NUDT4: variants seen among roughly 807,000 people sequenced by gnomAD.
NUDT4 encodes nudix hydrolase 4, also known as diphosphoinositol polyphosphate phosphohydrolase 2.
A neutral mutation model predicts 23.1 loss-of-function variants in NUDT4; 5 were observed. The observed-to-expected ratio is 0.22, with a 90% CI of 0.11 to 0.46. NUDT4 has a LOEUF of 0.46. Ranked by LOEUF, NUDT4 falls within the 20% of genes least tolerant of loss-of-function variation. The pLI is 0.99. For synonymous variants in NUDT4, 50 were observed against 79.0 expected (o/e 0.63, Z 1.95); for missense variants, 96 against 211.6 (o/e 0.45, Z 3.39).
rs775745707 is a variant in NUDT4 at position 93,399,385 on chromosome 12, A to C, written c.*6A>C. 4 of 674,534 alleles carry C rather than the reference A, an allele frequency of 5.9e-6. No homozygotes were observed. The highest frequency in any genetic ancestry group is 1.0e-5 in the Non-Finnish European group (4 of 391,962). The allele number at this position is 674,534 out of a possible 1,614,324, so 41.8% of individuals were successfully genotyped here. The stretch of plus-strand genomic sequence containing the variant: ...TGCCATCTAGTGTAAGATAGAGAGA[A>C]CTGGGTAGGCCTCTCCCACCATGTG... On this transcript the variant is annotated 3_prime_UTR_variant, in exon 5 of 5. Coordinates refer to ENST00000415493, the MANE Select transcript of NUDT4 (RefSeq NM_019094.6).
At chr12:93,395,377 G>A in intron 2 of NUDT4, 112 bp from the exon 3 acceptor site, 2 of 754,058 alleles carry the variant, frequency 2.7e-6, no homozygotes, top group Non-Finnish European at 4.7e-6. Flanking sequence ...GTTGGTATGG[G>A]GAGGGGTATT....
chr12:93,400,825 T>G lies in NUDT4; in HGVS notation c.*1446T>G, dbSNP rs1318253220. 6.6e-6 allele frequency: 1 copy of G among 152,374 alleles called. No homozygotes were observed. The highest frequency in any genetic ancestry group is 1.5e-5 in the Non-Finnish European group (1 of 68,106). The allele number at this position is 152,374 out of a possible 1,614,324, so 9.4% of individuals were successfully genotyped here. A position where few individuals can be genotyped will look rare whatever the true frequency, so the allele number is the denominator to read the frequency against. ...GGTTTCTTCATGTTGGTCAGGCTGG[T>G]CTCAAACTCCTAACCTCGTGATCCG... On this transcript the variant is annotated 3_prime_UTR_variant, in exon 5 of 5. Transcript: ENST00000415493.
chr12:93,383,629 C>G (rs1453837155), intron 1 of NUDT4, among the ~76,000 whole-genome samples: 1 of 152,172 alleles, frequency 6.6e-6, no homozygotes, highest in Non-Finnish European at 1.5e-5. Flanking sequence ...GTCAGGGGTT[C>G]AAGACCAGCC....
intron 1 of NUDT4, among the ~76,000 whole-genome samples, chr12:93,390,581 C>G (rs893504501): frequency 6.6e-6 from 1 of 151,852 alleles, no homozygotes; most frequent in African/African-American, 2.4e-5. Context: ...AAAGTCTCAT[C>G]TGGGTATAAT....
intron 1 of NUDT4, among the ~76,000 whole-genome samples, chr12:93,381,545 T>C (rs1201494197): frequency 6.6e-6 from 1 of 151,758 alleles, no homozygotes; most frequent in African/African-American, 2.4e-5. Context: ...AAGGGATCAA[T>C]GGAAAGGGAA....
intron 1 of NUDT4, among the ~76,000 whole-genome samples, chr12:93,389,157 A>C (rs1876308070): frequency 6.6e-6 from 1 of 152,182 alleles, no homozygotes; most frequent in Non-Finnish European, 1.5e-5. Flanking sequence ...TTACTCATTT[A>C]AATTTATCGG....
chr12:93,380,753 C>G (rs1395675215), intron 1 of NUDT4, among the ~76,000 whole-genome samples: 1 of 152,184 alleles, frequency 6.6e-6, no homozygotes, highest in Non-Finnish European at 1.5e-5. Flanking sequence ...TATTGTTTCT[C>G]TATGAATTTG....
chr12:93,384,948 G>A (rs958490969), intron 1 of NUDT4, among the ~76,000 whole-genome samples: 1 of 152,026 alleles, frequency 6.6e-6, no homozygotes. Context: ...GTTGAATTTT[G>A]TATTTAAATT....
intron 1 of NUDT4, among the ~76,000 whole-genome samples, chr12:93,379,780 TTAAG>T (rs1875523454): frequency 6.6e-6 from 1 of 152,152 alleles, no homozygotes; most frequent in African/African-American, 2.4e-5. Context: ...TCAACAAGCA[TTAAG>T]TGTGTTCTGT....
intron 3 of NUDT4, among the ~76,000 whole-genome samples, chr12:93,397,313 G>A (rs1274998469): frequency 3.9e-5 from 6 of 151,986 alleles, no homozygotes; most frequent in Middle Eastern, 3.2e-3. Context: ...ATTTATTGTT[G>A]TTTTTATTCC....
rs547337762 is a variant in NUDT4 at position 93,391,137 on chromosome 12, A to G, written c.100-3472A>G. 5.3e-5 allele frequency among the ~76,000 whole-genome samples: 8 copies of G among 152,216 alleles called. No individual in the cohort carries two copies. In the South Asian group the frequency reaches 1.5e-3, roughly 28 times the overall value. Reference sequence around the variant, plus strand: ...AGGGCAGATAGAAGTGCTGGCATGCATTTAAAAGAAAAAAAAATCAGTCAT... The same window carrying G: ...AGGGCAGATAGAAGTGCTGGCATGCGTTTAAAAGAAAAAAAAATCAGTCAT... On this transcript the variant is annotated intron_variant, in intron 1 of 4. Coordinates refer to ENST00000415493, the MANE Select transcript of NUDT4 (RefSeq NM_019094.6).
intron 3 of NUDT4, among the ~76,000 whole-genome samples, chr12:93,398,541 TCAC>T (rs1437101399): frequency 2.6e-5 from 4 of 152,228 alleles, no homozygotes; most frequent in Non-Finnish European, 5.9e-5. Flanking sequence ...AGAGCCAATT[TCAC>T]CACCAGTAAT....
At chr12:93,385,947 A>T (rs939580979) in intron 1 of NUDT4, among the ~76,000 whole-genome samples, 1,874 of 96,772 alleles carry the variant, frequency 0.019, 37 homozygotes, top group South Asian at 0.072. Context: ...CTTTTTATAT[A>T]TATATATATA....
In NUDT4 at chr12:93,403,120, A is replaced by G. The variant is rs1172437074; in HGVS notation, c.*3741A>G. The stretch of plus-strand genomic sequence containing the variant: ...TAGGCTTAAGCAGTCCTCCAGCCTC[A>G]GCCTTCTCAAAGTGCTAGGATGATT... On this transcript the variant is annotated 3_prime_UTR_variant, in exon 5 of 5. Transcript: ENST00000415493. 1 of 151,402 alleles carries G rather than the reference A, an allele frequency of 6.6e-6. No individual in the cohort carries two copies. The highest frequency in any genetic ancestry group is 1.5e-5 in the Non-Finnish European group (1 of 67,954). The allele number at this position is 151,402 out of a possible 1,614,324, so 9.4% of individuals were successfully genotyped here. A position where few individuals can be genotyped will look rare whatever the true frequency, so the allele number is the denominator to read the frequency against.
chr12:93,389,703 C>T (rs1188321191), intron 1 of NUDT4, among the ~76,000 whole-genome samples: 1 of 151,802 alleles, frequency 6.6e-6, no homozygotes, highest in African/African-American at 2.4e-5. Context: ...GAGTTCAAGA[C>T]CAGCCTGGCC....
rs548432417 is a variant in NUDT4, at chr12:93,394,780, A to C, written c.210+61A>C. On this transcript the variant is annotated intron_variant, in intron 2 of 4. Transcript: ENST00000415493. ...TTTTAAAAACAAGGCCCTTTGCTACATAACACTAAGACAGCGAGACGGGTC... is the reference window on the plus strand; with the variant it reads ...TTTTAAAAACAAGGCCCTTTGCTACCTAACACTAAGACAGCGAGACGGGTC... 24 of 997,988 alleles carry C rather than the reference A, an allele frequency of 2.4e-5. No homozygotes were observed. In the South Asian group the frequency reaches 2.9e-4, roughly 12 times the overall value. 61.8% of individuals were successfully genotyped at this position (997,988 alleles called of 1,614,324 possible).
At chr12:93,397,884 G>A (rs894679158) in intron 3 of NUDT4, among the ~76,000 whole-genome samples, 2 of 152,134 alleles carry the variant, frequency 1.3e-5, no homozygotes, top group African/African-American at 4.8e-5. Flanking sequence ...AAAGGAACTG[G>A]TGCTGTTTGC....
rs150080739 is a variant in NUDT4 at position 93,406,580 on chromosome 12, G to A, written c.*7201G>A. 1.9e-3 allele frequency: 283 copies of A among 152,296 alleles called. No individual in the cohort carries two copies. Among genetic ancestry groups the A allele is most frequent in the Admixed American group, 4.3e-3 (66 of 15,294 alleles). The allele number at this position is 152,296 out of a possible 1,614,324, so 9.4% of individuals were successfully genotyped here. A position where few individuals can be genotyped will look rare whatever the true frequency, so the allele number is the denominator to read the frequency against. On this transcript the variant is annotated 3_prime_UTR_variant, in exon 5 of 5. Transcript: ENST00000415493. ...CTCCATATCCATGGGTTCCACTTCC[G>A]TGGATTCAAACAACCAGACAAAATA... is the stretch of plus-strand genomic sequence containing the variant.
At position 93,399,340 on chromosome 12, in the gene NUDT4, C is replaced by A; in HGVS notation, c.504C>A (p.Thr168=). 1.0e-6 allele frequency: 1 copy of A among 955,166 alleles called. No individual in the cohort carries two copies. Among genetic ancestry groups the A allele is most frequent in the East Asian group, 2.5e-5 (1 of 39,934 alleles). The allele number at this position is 955,166 out of a possible 1,614,324, so 59.2% of individuals were successfully genotyped here. Residue 168 remains threonine, a synonymous_variant, in exon 5 of 5, where the codon ACC becomes ACA. Coordinates refer to ENST00000415493, the MANE Select transcript of NUDT4 (RefSeq NM_019094.6). ...CGGATAATAATGCCTTGTTTGTAACCGCTGCACAGACCTCTGGGTTGCCAT... is the reference window on the plus strand; with the variant it reads ...CGGATAATAATGCCTTGTTTGTAACAGCTGCACAGACCTCTGGGTTGCCAT... ...SLPDNNALFV[T]AAQTSGLPSS...
Sources: allele counts gnomAD v4.1 joint callset (sites outside exome capture counted in the v4.1 genomes callset), GRCh38; gene constraint gnomAD v4.1.1; transcripts MANE v1.5; gene names NCBI Gene and HGNC (gene_info 2026-07-23, HGNC 2026-07-21).